DYNC2I1: variants seen among roughly 807,000 people sequenced by gnomAD.
DYNC2I1 encodes dynein 2 intermediate chain 1.
A neutral mutation model predicts 133.4 loss-of-function variants in DYNC2I1; 89 were observed. The ratio of observed to expected loss-of-function variants is 0.67; its 90% CI spans 0.56 to 0.80. DYNC2I1 has a LOEUF of 0.80. DYNC2I1 is among the 30% of genes least tolerant of loss of function. The probability of loss-of-function intolerance (pLI) is 0.00; values close to 1 mark genes in which losing one functional copy is unlikely to be tolerated. For missense variants in DYNC2I1, 1,291 were observed against 1,314.5 expected (o/e 0.98, Z 0.28); for synonymous variants, 504 against 484.3 (o/e 1.04, Z -0.54).
upstream of DYNC2I1, among the ~76,000 whole-genome samples, chr7:158,853,485 T>G (rs1398091964): frequency 6.6e-6 from 1 of 152,142 alleles, no homozygotes; most frequent in Admixed American, 6.5e-5. Context: ...ATTATCAGTG[T>G]GAAGTTGAAC....
At chr7:158,847,056 A>G in the DYNC2I1 span, among the ~76,000 whole-genome samples, 1 of 152,238 alleles carries the variant, frequency 6.6e-6, no homozygotes, top group Non-Finnish European at 1.5e-5. Context: ...ACTTAAAGAA[A>G]AGTTAGTGCT....
chr7:158,845,640 CTTAACT>C, the DYNC2I1 span, among the ~76,000 whole-genome samples: 1 of 152,056 alleles, frequency 6.6e-6, no homozygotes, highest in Admixed American at 6.5e-5. Flanking sequence ...TATACTTAAC[CTTAACT>C]TTATTACTTA....
intron 11 of DYNC2I1, among the ~76,000 whole-genome samples, chr7:158,909,121 A>G (rs917413310): frequency 1.3e-5 from 2 of 152,018 alleles, no homozygotes; most frequent in Non-Finnish European, 2.9e-5. Context: ...ACCTGAGGTC[A>G]GGAGTTCGAG....
At chr7:158,952,732 C>T (rs73732420) in intron 4 of DYNC2I1, among the ~76,000 whole-genome samples, 17,806 of 143,254 alleles carry the variant, frequency 0.12, 1,302 homozygotes, top group African/African-American at 0.15. Context: ...AGAGTCCGCA[C>T]CTTCATATTG....
At chr7:158,892,677 G>C (rs532459920) in intron 8 of DYNC2I1, among the ~76,000 whole-genome samples, 7 of 152,046 alleles carry the variant, frequency 4.6e-5, no homozygotes, top group African/African-American at 1.4e-4. Flanking sequence ...CAGGTGTGAT[G>C]GCTCACCCCT....
chr7:158,939,952 C>A (rs574268628), intron 23 of DYNC2I1, among the ~76,000 whole-genome samples: 26 of 152,198 alleles, frequency 1.7e-4, no homozygotes, highest in African/African-American at 6.0e-4. Flanking sequence ...ATAACAGTTA[C>A]AAGTATCTAT....
At chr7:158,899,390 G>C (rs969544430) in intron 8 of DYNC2I1, among the ~76,000 whole-genome samples, 4 of 152,066 alleles carry the variant, frequency 2.6e-5, no homozygotes, top group Non-Finnish European at 5.9e-5. Context: ...ATACATTTTT[G>C]CTACTATTAT....
At chr7:158,916,253 T>G (rs75461037) in intron 14 of DYNC2I1, among the ~76,000 whole-genome samples, 1,590 of 6,900 alleles carry the variant, frequency 0.23, 5 homozygotes, top group South Asian at 0.37. Flanking sequence ...GTGAAACGTC[T>G]ACACGCTGGT....
rs1201048099 is a variant in DYNC2I1, at chr7:158,856,648, A to T, written c.-88A>T. On this transcript the variant is annotated 5_prime_UTR_variant, in exon 1 of 25. The change creates a new upstream start codon in the 5' untranslated region. Transcript: ENST00000407559. ...CTAGGCGCTGGGACGCGCCTCCCGA[A>T]GGGTGCGGGGCACAGGTGGCCTCTT... 1 of 1,212,370 alleles carries T rather than the reference A, an allele frequency of 8.2e-7. No homozygotes were observed. The highest frequency in any genetic ancestry group is 1.0e-6 in the Non-Finnish European group (1 of 970,060). 75.1% of individuals were successfully genotyped at this position (1,212,370 alleles called of 1,614,324 possible).
At chr7:158,905,742 A>G (rs1846732939) in intron 10 of DYNC2I1, among the ~76,000 whole-genome samples, 1 of 152,158 alleles carries the variant, frequency 6.6e-6, no homozygotes, top group South Asian at 2.1e-4. Flanking sequence ...AGTATTTCTA[A>G]AACTCTTTAA....
intron 8 of DYNC2I1, among the ~76,000 whole-genome samples, chr7:158,901,357 C>T (rs186201192): frequency 1.0e-3 from 155 of 152,280 alleles, no homozygotes; most frequent in African/African-American, 3.6e-3. Flanking sequence ...AAGGTGTGAG[C>T]CACAGTGCTC....
intron 1 of DYNC2I1, among the ~76,000 whole-genome samples, chr7:158,862,610 C>T (rs1201122150): frequency 6.7e-6 from 1 of 148,750 alleles, no homozygotes; most frequent in Non-Finnish European, 1.5e-5. Flanking sequence ...GCCCCAGCTA[C>T]TCAGGAGGCT....
At chr7:158,874,039 G>A (rs867909237) in intron 3 of DYNC2I1, among the ~76,000 whole-genome samples, 5 of 151,670 alleles carry the variant, frequency 3.3e-5, no homozygotes, top group East Asian at 3.9e-4. Flanking sequence ...GATTATAGGC[G>A]TCAGCCACAG....
intron 21 of DYNC2I1, among the ~76,000 whole-genome samples, chr7:158,932,481 A>G (rs1048102794): frequency 1.3e-5 from 2 of 151,908 alleles, no homozygotes; most frequent in Admixed American, 6.6e-5. Flanking sequence ...GGGTGTGGAC[A>G]TTAGCATAAA....
upstream of DYNC2I1, among the ~76,000 whole-genome samples, chr7:158,852,780 C>T (rs1206172933): frequency 6.6e-6 from 1 of 152,100 alleles, no homozygotes; most frequent in Non-Finnish European, 1.5e-5. Context: ...CATTTTAGGA[C>T]AAATTACTAA....
At chr7:158,915,508 G>A (rs1848040675) in intron 14 of DYNC2I1, among the ~76,000 whole-genome samples, 2 of 150,290 alleles carry the variant, frequency 1.3e-5, no homozygotes, top group African/African-American at 2.5e-5. Flanking sequence ...TCGACACGGT[G>A]GTTGAGATAA....
chr7:158,902,818 C>A (rs886335698), intron 10 of DYNC2I1: 1 of 539,386 alleles, frequency 1.9e-6, no homozygotes, highest in African/African-American at 1.9e-5. Context: ...AGTTGCACGT[C>A]ACTTTCTGCT....
intron 1 of DYNC2I1, among the ~76,000 whole-genome samples, chr7:158,865,955 G>C (rs888223813): frequency 6.6e-6 from 1 of 152,108 alleles, no homozygotes; most frequent in Admixed American, 6.5e-5. Flanking sequence ...AGTTTTAAGC[G>C]CTCCAAAGTA....
Position 158,879,710 on chromosome 7 carries a change from C to T in DYNC2I1, c.600C>T (p.Asn200=), listed in dbSNP as rs1843804106. Reference sequence around the variant, plus strand: ...TGCAGTACGGAGACAGCAAGGACAACCCTCTCAAGTACTGGCTTTATAAAG... The same window carrying T: ...TGCAGTACGGAGACAGCAAGGACAATCCTCTCAAGTACTGGCTTTATAAAG... ...RKLQYGDSKD[N]PLKYWLYKEE... The change falls in exon 5 of 25, where the codon AAC becomes AAT. Residue 200 remains asparagine (N), a synonymous_variant. Coordinates refer to ENST00000407559, the MANE Select transcript of DYNC2I1 (RefSeq NM_018051.5). The T allele has an allele frequency of 1.3e-6, 2 of 1,591,146 alleles. No homozygotes were observed. The highest frequency in any genetic ancestry group is 1.9e-5 in the Admixed American group (1 of 51,548).
Sources: gnomAD v4.1 joint callset for allele counts (sites outside exome capture counted in the v4.1 genomes callset) on GRCh38, gnomAD v4.1.1 for gene constraint, MANE v1.5 for transcripts, NCBI Gene and HGNC (gene_info 2026-07-23, HGNC 2026-07-21) for gene names.